C2CD4C: variants seen among roughly 807,000 people sequenced by gnomAD.
C2CD4C encodes the protein C2 calcium dependent domain containing 4C, also known as C2 calcium-dependent domain-containing protein 4C.
A neutral mutation model predicts 4.1 loss-of-function variants in C2CD4C; 3 were observed. The ratio of observed to expected loss-of-function variants is 0.73; its 90% CI spans 0.33 to 1.88. The LOEUF (loss-of-function observed/expected upper bound fraction) is 1.88, where lower values mean the gene tolerates loss of function less well. Ranked by LOEUF, C2CD4C falls within the 40% of genes most tolerant of loss-of-function variation. C2CD4C has a pLI of 0.08. For missense variants in C2CD4C, 664 were observed against 621.5 expected (o/e 1.07, Z -0.73); for synonymous variants, 364 against 290.4 (o/e 1.25, Z -2.57).
Position 407,465 on chromosome 19 carries a change from G to T in C2CD4C, c.897C>A (p.His299Gln). 2 of 1,421,680 alleles carry T rather than the reference G, an allele frequency of 1.4e-6. No homozygotes were observed. Among genetic ancestry groups the T allele is most frequent in the Non-Finnish European group, 9.1e-7 (1 of 1,094,574 alleles). 88.1% of individuals were successfully genotyped at this position (1,421,680 alleles called of 1,614,324 possible). The stretch of plus-strand genomic sequence containing the variant: ...TGCCCCGAGGGCCCACGTGGACCGT[G>T]TGCTCCCCACGCGCCTGGCCCGACT... ...GPESGQARGE[H>Q]TVHVGPRGSV... Residue 299 changes from histidine (H) to glutamine (Q), a missense_variant, in exon 2 of 2, where the codon CAC becomes CAA. His to Gln is a conservative substitution (Grantham distance 24). Coordinates refer to ENST00000332235, the MANE Select transcript of C2CD4C (RefSeq NM_001136263.2).
chr19:407,053 G>A lies in C2CD4C; in HGVS notation c.*43C>T. ...CACCCGGTGTGGAGGAGAGACCGGG[G>A]TCTGCCCTCTGCACCCGAGCGGACA... On this transcript the variant is annotated 3_prime_UTR_variant, in exon 2 of 2. Transcript: ENST00000332235. The A allele has an allele frequency of 2.7e-6, 4 of 1,497,902 alleles. No homozygotes were observed. The highest frequency in any genetic ancestry group is 3.6e-6 in the Non-Finnish European group (4 of 1,120,368). The allele number at this position is 1,497,902 out of a possible 1,614,324, so 92.8% of individuals were successfully genotyped here. A position where few individuals can be genotyped will look rare whatever the true frequency, so the allele number is the denominator to read the frequency against.
chr19:405,540 TAA>T lies in C2CD4C; in HGVS notation c.*1554_*1555del, dbSNP rs1165511757. The T allele has an allele frequency of 6.6e-6, 1 of 151,974 alleles. No individual in the cohort carries two copies. The highest frequency in any genetic ancestry group is 2.4e-5 in the African/African-American group (1 of 41,300). The allele number at this position is 151,974 out of a possible 1,614,324, so 9.4% of individuals were successfully genotyped here. A position where few individuals can be genotyped will look rare whatever the true frequency, so the allele number is the denominator to read the frequency against. On this transcript the variant is annotated 3_prime_UTR_variant, in exon 2 of 2. Transcript: ENST00000332235. The stretch of plus-strand genomic sequence containing the variant: ...TTTACCCACAGTCAACCTCAGACAC[TAA>T]GATATCAAAGAGTGCAGGGGGGCTA...
chr19:407,662 G>T lies in C2CD4C; in HGVS notation c.700C>A (p.Arg234Ser). 1 of 1,521,970 alleles carries T rather than the reference G, an allele frequency of 6.6e-7. No homozygotes were observed. 94.3% of individuals were successfully genotyped at this position (1,521,970 alleles called of 1,614,324 possible). The part of the protein sequence containing the change: ...SSPFGSPLLS[R>S]SVSLLKGFAQ... The stretch of plus-strand genomic sequence containing the variant: ...AAACCTTTGAGCAGAGACACGGAGC[G>T]GGACAGCAGAGGGGACCCGAAGGGG... The change falls in exon 2 of 2, where the codon CGC (arginine) becomes AGC (serine). Residue 234 changes from arginine to serine, a missense_variant. Physicochemically the swap from Arg to Ser is moderately radical, Grantham distance 110. Coordinates refer to ENST00000332235, the MANE Select transcript of C2CD4C (RefSeq NM_001136263.2).
Position 408,401 on chromosome 19 carries a change from T to C in C2CD4C, c.-40A>G. ...AGAGGCCCGGACAGGGGCTGCAGCG[T>C]CTGGGAAGAGAAGCAGGGGTCAGGA... On this transcript the variant is annotated splice_region_variant and 5_prime_UTR_variant, in exon 2 of 2. Coordinates refer to ENST00000332235, the MANE Select transcript of C2CD4C (RefSeq NM_001136263.2). 6.6e-7 allele frequency: 1 copy of C among 1,520,846 alleles called. No individual in the cohort carries two copies. Among genetic ancestry groups the C allele is most frequent in the South Asian group, 1.2e-5 (1 of 80,918 alleles). 94.2% of individuals were successfully genotyped at this position (1,520,846 alleles called of 1,614,324 possible).
In C2CD4C at chr19:406,161, T is replaced by G. The variant is rs1973981966; in HGVS notation, c.*935A>C. The stretch of plus-strand genomic sequence containing the variant: ...CCACCCACCGTAGCCACAGCCTATT[T>G]ACACACGTGGCGTCAAAGCCACGGC... On this transcript the variant is annotated 3_prime_UTR_variant, in exon 2 of 2. Coordinates refer to ENST00000332235, the MANE Select transcript of C2CD4C (RefSeq NM_001136263.2). 6.6e-6 allele frequency: 1 copy of G among 152,226 alleles called. No individual in the cohort carries two copies. Among genetic ancestry groups the G allele is most frequent in the South Asian group, 2.1e-4 (1 of 4,834 alleles). The allele number at this position is 152,226 out of a possible 1,614,324, so 9.4% of individuals were successfully genotyped here.
In C2CD4C at chr19:407,773, G is replaced by A. The variant is rs1357313218; in HGVS notation, c.589C>T (p.Pro197Ser). 3 of 1,518,222 alleles carry A rather than the reference G, an allele frequency of 2.0e-6. No individual in the cohort carries two copies. The highest frequency in any genetic ancestry group is 2.6e-6 in the Non-Finnish European group (3 of 1,132,562). The allele number at this position is 1,518,222 out of a possible 1,614,324, so 94.0% of individuals were successfully genotyped here. Residue 197 changes from proline to serine, a missense_variant, in exon 2 of 2, where the codon CCC (proline) becomes TCC (serine). Physicochemically the swap from Pro to Ser is moderately conservative, Grantham distance 74. Coordinates refer to ENST00000332235, the MANE Select transcript of C2CD4C (RefSeq NM_001136263.2). The stretch of plus-strand genomic sequence containing the variant: ...ATGAGGGCCCCGCCAGCCTCCCTGG[G>A]GCCCCCATCACCCCCGTTGGCCTTG... The part of the protein sequence containing the change: ...AAKANGGDGG[P>S]REAGGALMSP...
chr19:407,532 CGGCTCCCGGGGCT>C lies in C2CD4C; in HGVS notation c.817_829del (p.Ser273GlyfsTer4). On this transcript the variant is annotated frameshift_variant, in exon 2 of 2. Coordinates refer to ENST00000332235, the MANE Select transcript of C2CD4C (RefSeq NM_001136263.2). LOFTEE classifies it low-confidence loss of function (END_TRUNC). ...GGGTGCCCGGCGGGTCAGGCGGCGC[CGGCTCCCGGGGCT>C]GGCGTCCGGGGTGCTGTCGTCCGCA... 5.0e-6 allele frequency: 7 copies of C among 1,386,692 alleles called. No individual in the cohort carries two copies. The highest frequency in any genetic ancestry group is 6.5e-6 in the Non-Finnish European group (7 of 1,071,730). 85.9% of individuals were successfully genotyped at this position (1,386,692 alleles called of 1,614,324 possible).
rs1303198654 is a variant in C2CD4C, at chr19:407,231, G to A, written c.1131C>T (p.Phe377=). ...GGACGCTGGCGGGCCCCAGGCCGTC[G>A]AAGAAGAAATCCTCGTTGAAGACGG... is the stretch of plus-strand genomic sequence containing the variant. The part of the protein sequence containing the change: ...RRPVFNEDFF[F]DGLGPASVRK... Residue 377 remains phenylalanine, a synonymous_variant, in exon 2 of 2, where the codon TTC becomes TTT. Transcript: ENST00000332235. 15 of 1,550,108 alleles carry A rather than the reference G, an allele frequency of 9.7e-6. No homozygotes were observed. The highest frequency in any genetic ancestry group is 3.9e-5 in the Admixed American group (2 of 50,990).
Position 408,188 on chromosome 19 carries a change from C to G in C2CD4C, c.174G>C (p.Ser58=), listed in dbSNP as rs1350015798. 1.4e-6 allele frequency: 2 copies of G among 1,451,930 alleles called. No individual in the cohort carries two copies. The highest frequency in any genetic ancestry group is 5.2e-5 in the East Asian group (2 of 38,202). The allele number at this position is 1,451,930 out of a possible 1,614,324, so 89.9% of individuals were successfully genotyped here. The change falls in exon 2 of 2, where the codon TCG becomes TCC. Residue 58 remains serine, a synonymous_variant. Coordinates refer to ENST00000332235, the MANE Select transcript of C2CD4C (RefSeq NM_001136263.2). ...PDFFIPPKLP[S]GPAEGEGQAA... is the part of the protein sequence containing the mutation. ...CCTGTCCCTCGCCCTCCGCGGGGCC[C>G]GAGGGCAGCTTGGGGGGGATGAAAA...
In C2CD4C at chr19:407,101, G is replaced by A. The variant is rs1326529485; in HGVS notation, c.1261C>T (p.Leu421=). 1.3e-6 allele frequency: 2 copies of A among 1,547,606 alleles called. No individual in the cohort carries two copies. The highest frequency in any genetic ancestry group is 2.0e-5 in the Admixed American group (1 of 50,932). Residue 421 remains leucine (L), a synonymous_variant, in exon 2 of 2, where the codon CTG becomes TTG. Coordinates refer to ENST00000332235, the MANE Select transcript of C2CD4C (RefSeq NM_001136263.2). ...ACAGCGAGCAGGTCCCCGCTCTACAGGAAGGGGAGCAGGGAGGTCAGGGGC... is the reference window on the plus strand; with the variant it reads ...ACAGCGAGCAGGTCCCCGCTCTACAAGAAGGGGAGCAGGGAGGTCAGGGGC... ...ELPLTSLLPF[L] is the part of the protein sequence containing the mutation.
rs1414442010 is a variant in C2CD4C, at chr19:408,398, G to A, written c.-37C>T. 14 of 1,526,786 alleles carry A rather than the reference G, an allele frequency of 9.2e-6. No individual in the cohort carries two copies. The highest frequency in any genetic ancestry group is 1.1e-5 in the Non-Finnish European group (13 of 1,136,306). The allele number at this position is 1,526,786 out of a possible 1,614,324, so 94.6% of individuals were successfully genotyped here. On this transcript the variant is annotated 5_prime_UTR_variant, in exon 2 of 2. Transcript: ENST00000332235. Reference sequence around the variant, plus strand: ...GCAAGAGGCCCGGACAGGGGCTGCAGCGTCTGGGAAGAGAAGCAGGGGTCA... The same window carrying A: ...GCAAGAGGCCCGGACAGGGGCTGCAACGTCTGGGAAGAGAAGCAGGGGTCA...
intron 1 of C2CD4C, among the ~76,000 whole-genome samples, 152 bp downstream of exon 1, chr19:408,854 G>A (rs897590881): frequency 3.3e-5 from 5 of 152,120 alleles, no homozygotes; most frequent in African/African-American, 2.4e-5. Flanking sequence ...GGCGTTCGGG[G>A]TGGGGGAAGG....
Position 407,067 on chromosome 19 carries a change from C to A in C2CD4C, c.*29G>T. On this transcript the variant is annotated 3_prime_UTR_variant, in exon 2 of 2. Transcript: ENST00000332235. ...GAGAGACCGGGGTCTGCCCTCTGCA[C>A]CCGAGCGGACAGCGAGCAGGTCCCC... 6.6e-7 allele frequency: 1 copy of A among 1,519,320 alleles called. No homozygotes were observed. Among genetic ancestry groups the A allele is most frequent in the South Asian group, 1.3e-5 (1 of 79,944 alleles). The allele number at this position is 1,519,320 out of a possible 1,614,324, so 94.1% of individuals were successfully genotyped here.
rs540561821 is a variant in C2CD4C at position 408,598 on chromosome 19, C to T, written c.-40-197G>A. ...TCCCCCCACCTTTTTCCGGAGAGAT[C>T]CCGCTTAACTTCCCAGCACCAAGCC... On this transcript the variant is annotated intron_variant, in intron 1 of 1. Transcript: ENST00000332235. Among the ~76,000 whole-genome samples, 227 of 152,264 alleles carry T rather than the reference C, an allele frequency of 1.5e-3. 2 individuals carry two copies. Among genetic ancestry groups the T allele is most frequent in the African/African-American group, 5.3e-3 (220 of 41,572 alleles).
rs1406515189 is a variant in C2CD4C at position 407,978 on chromosome 19, G to A, written c.384C>T (p.Ala128=). ...EDWLSEEATD[A]DPQAQGAMSL... is the part of the protein sequence containing the mutation. ...ACATGGCACCCTGGGCCTGGGGGTC[G>A]GCGTCAGTGGCCTCCTCGGACAGCC... Residue 128 remains alanine (A), a synonymous_variant, in exon 2 of 2, where the codon GCC becomes GCT. Coordinates refer to ENST00000332235, the MANE Select transcript of C2CD4C (RefSeq NM_001136263.2). 3 of 1,549,030 alleles carry A rather than the reference G, an allele frequency of 1.9e-6. No individual in the cohort carries two copies. Among genetic ancestry groups the A allele is most frequent in the East Asian group, 2.4e-5 (1 of 40,886 alleles).
At position 406,919 on chromosome 19, in the gene C2CD4C, G is replaced by A. The variant is rs193118137; in HGVS notation, c.*177C>T. The A allele has an allele frequency of 3.3e-5, 19 of 582,348 alleles. No homozygotes were observed. The highest frequency in any genetic ancestry group is 6.5e-5 in the Admixed American group (2 of 30,932). 36.1% of individuals were successfully genotyped at this position (582,348 alleles called of 1,614,324 possible). ...GAAAAATAATACTCCAGTCAGCATC[G>A]GGTGACCCAGGAAACCCTGCGTCAG... On this transcript the variant is annotated 3_prime_UTR_variant, in exon 2 of 2. Transcript: ENST00000332235.
In C2CD4C at chr19:407,316, C is replaced by G. The variant is rs1290216877; in HGVS notation, c.1046G>C (p.Cys349Ser). ...CTTCTGCAGCTTGCCCGGCACCAGGCACAGGCCCACGCAGCAGTTGATGCT... is the reference window on the plus strand; with the variant it reads ...CTTCTGCAGCTTGCCCGGCACCAGGGACAGGCCCACGCAGCAGTTGATGCT... ...ARSINCCVGL[C>S]LVPGKLQKQR... The change falls in exon 2 of 2, where the codon TGC becomes TCC. Residue 349 changes from cysteine (C) to serine (S), a missense_variant. By Grantham distance (112) the Cys-to-Ser change is moderately radical. Coordinates refer to ENST00000332235, the MANE Select transcript of C2CD4C (RefSeq NM_001136263.2). 7 of 1,549,562 alleles carry G rather than the reference C, an allele frequency of 4.5e-6. No individual in the cohort carries two copies. Among genetic ancestry groups the G allele is most frequent in the African/African-American group, 1.4e-5 (1 of 73,180 alleles).
chr19:408,452 C>A (rs1050527013), intron 1 of C2CD4C, 51 bp from the exon 2 acceptor site: 1 of 1,285,244 alleles, frequency 7.8e-7, no homozygotes, highest in South Asian at 1.5e-5. Flanking sequence ...TGGCAGAGGG[C>A]CCTGGGCACC....
At chr19:408,503 G>A (rs1239682126) in intron 1 of C2CD4C, 102 bp from the exon 2 acceptor site, 1 of 697,102 alleles carries the variant, frequency 1.4e-6, no homozygotes, top group Non-Finnish European at 2.2e-6. Context: ...TGCCGGCGGG[G>A]TGGGGGTGGA....
Sources: allele counts gnomAD v4.1 joint callset (sites outside exome capture counted in the v4.1 genomes callset), GRCh38; gene constraint gnomAD v4.1.1; transcripts MANE v1.5; gene names NCBI Gene and HGNC (gene_info 2026-07-23, HGNC 2026-07-21).